The following MINAR1 variants were observed in gnomAD, a reference collection of about 807,000 sequenced individuals.
MINAR1 encodes the protein membrane integral NOTCH2 associated receptor 1.
Under a neutral mutation model 65.1 loss-of-function variants are expected in MINAR1, and 40 were observed. That is an observed-to-expected ratio of 0.61 (90% CI 0.48 to 0.80). The LOEUF (loss-of-function observed/expected upper bound fraction) is 0.80. MINAR1 is among the 30% of genes least tolerant of loss of function. MINAR1 has a pLI of 0.00. For synonymous variants in MINAR1, 482 were observed against 449.1 expected (o/e 1.07, Z -0.93); for missense variants, 1,128 against 1,148.0 (o/e 0.98, Z 0.25).
the MINAR1 span, chr15:79,411,488 G>C: frequency 1.4e-6 from 1 of 702,412 alleles, no homozygotes; most frequent in South Asian, 1.5e-5. Flanking sequence ...GGACTGGGAC[G>C]ACTGGCACCC....
intron 1 of MINAR1, among the ~76,000 whole-genome samples, chr15:79,434,208 C>A (rs149570309): frequency 1.8e-3 from 268 of 152,292 alleles, no homozygotes; most frequent in African/African-American, 5.7e-3. Flanking sequence ...AAGTGTATAG[C>A]ACTTAACATT....
chr15:79,451,219 C>T (rs1895187028), intron 1 of MINAR1, among the ~76,000 whole-genome samples: 2 of 152,182 alleles, frequency 1.3e-5, no homozygotes, highest in African/African-American at 4.8e-5. Flanking sequence ...ACCTGGACCC[C>T]TCCTAGGAAT....
chr15:79,423,202 AAAT>A, the MINAR1 span: 1 of 151,520 alleles, frequency 6.6e-6, no homozygotes, highest in Admixed American at 6.6e-5. Context: ...CTTAATTAAA[AAAT>A]AATAAGGCAG....
rs1896104520 is a variant in MINAR1, at chr15:79,472,022, G to A, written c.*3638G>A. ...CCTTATTTATGCCTTATGAATAAAA[G>A]AGTGTGGAATGTAAGGTGAAATTTT... On this transcript the variant is annotated 3_prime_UTR_variant, in exon 4 of 4. Coordinates refer to ENST00000305428, the MANE Select transcript of MINAR1 (RefSeq NM_015206.3). The A allele has an allele frequency of 6.6e-6, 1 of 152,152 alleles. No individual in the cohort carries two copies. The highest frequency in any genetic ancestry group is 1.5e-5 in the Non-Finnish European group (1 of 68,030). 9.4% of individuals were successfully genotyped at this position (152,152 alleles called of 1,614,324 possible).
Position 79,457,121 on chromosome 15 carries a change from G to A in MINAR1, c.974G>A (p.Arg325Gln), listed in dbSNP as rs190100500. The A allele has an allele frequency of 8.1e-6, 13 of 1,614,086 alleles. No individual in the cohort carries two copies. The highest frequency in any genetic ancestry group is 1.6e-4 in the Middle Eastern group (1 of 6,062). Residue 325 changes from arginine to glutamine, a missense_variant, in exon 2 of 4, where the codon CGA becomes CAA. Coordinates refer to ENST00000305428, the MANE Select transcript of MINAR1 (RefSeq NM_015206.3). Reference protein sequence around the residue: ...PVYSPVPDKRRAKHESLDDLQ... With the variant: ...PVYSPVPDKRQAKHESLDDLQ... ...TATTCCCCGGTTCCTGACAAAAGGC[G>A]AGCAAAGCACGAAAGCTTAGATGAC... is the stretch of plus-strand genomic sequence containing the variant.
intron 1 of MINAR1, among the ~76,000 whole-genome samples, chr15:79,452,743 G>T (rs111074592): frequency 0.022 from 1,794 of 80,934 alleles, 49 homozygotes; most frequent in African/African-American, 0.067. Context: ...TGGGTGTGTG[G>T]GGGGGGTGTG....
intron 1 of MINAR1, among the ~76,000 whole-genome samples, chr15:79,432,790 T>A (rs1037817784): frequency 5.9e-5 from 9 of 152,124 alleles, no homozygotes; most frequent in African/African-American, 2.2e-4. Context: ...GGGCCGCACC[T>A]GGTGGACAGA....
chr15:79,441,204 T>A, intron 1 of MINAR1, among the ~76,000 whole-genome samples: 1 of 152,068 alleles, frequency 6.6e-6, no homozygotes, highest in Non-Finnish European at 1.5e-5. Flanking sequence ...TTAGAACATT[T>A]AAATAAAACA....
chr15:79,415,865 C>A, the MINAR1 span: 1 of 152,176 alleles, frequency 6.6e-6, no homozygotes, highest in Non-Finnish European at 1.5e-5. Context: ...GTTTAACAAA[C>A]AAAATTCCCA....
chr15:79,434,745 T>C (rs1020780176), intron 1 of MINAR1, among the ~76,000 whole-genome samples: 8 of 152,196 alleles, frequency 5.3e-5, no homozygotes, highest in African/African-American at 1.9e-4. Flanking sequence ...GCAGACTTGG[T>C]GTAAATTTCA....
At chr15:79,412,597 A>T in the MINAR1 span, 1 of 152,498 alleles carries the variant, frequency 6.6e-6, no homozygotes, top group South Asian at 2.1e-4. Flanking sequence ...CGAAGTTGCC[A>T]TTGGGCGTGA....
intron 1 of MINAR1, among the ~76,000 whole-genome samples, chr15:79,434,626 A>G (rs1490442872): frequency 6.6e-6 from 1 of 152,226 alleles, no homozygotes; most frequent in African/African-American, 2.4e-5. Flanking sequence ...TGCATTCTCA[A>G]ACTAGCTAGG....
chr15:79,464,736 C>T (rs567259907), intron 3 of MINAR1, among the ~76,000 whole-genome samples: 102 of 152,318 alleles, frequency 6.7e-4, no homozygotes, highest in Middle Eastern at 3.4e-3. Context: ...GCATCAGTAG[C>T]AACCCTAAGC....
rs747244355 is a variant in MINAR1, at chr15:79,457,071, T to C, written c.924T>C (p.Tyr308=). 5.0e-6 allele frequency: 8 copies of C among 1,613,954 alleles called. No individual in the cohort carries two copies. Among genetic ancestry groups the C allele is most frequent in the Non-Finnish European group, 6.8e-6 (8 of 1,180,026 alleles). The part of the protein sequence containing the change: ...PFFNHSFEMP[Y]NSQYLNPVYS... The stretch of plus-strand genomic sequence containing the variant: ...TCAACCACAGCTTTGAAATGCCCTA[T>C]AACAGCCAGTACCTGAATCCAGTGT... Residue 308 remains tyrosine (Y), a synonymous_variant, in exon 2 of 4, where the codon TAT becomes TAC. Transcript: ENST00000305428.
chr15:79,443,785 C>G (rs1013376375), intron 1 of MINAR1, among the ~76,000 whole-genome samples: 1 of 152,098 alleles, frequency 6.6e-6, no homozygotes, highest in African/African-American at 2.4e-5. Flanking sequence ...TCCTTATGAA[C>G]CTATGTGCAT....
At chr15:79,452,193 GT>G (rs1895228460) in intron 1 of MINAR1, among the ~76,000 whole-genome samples, 1 of 145,586 alleles carries the variant, frequency 6.9e-6, no homozygotes, top group African/African-American at 2.5e-5. Context: ...GTGTGAGTGT[GT>G]GTAGGTGAAT....
In MINAR1 at chr15:79,468,270, TAAAG is replaced by T. The variant is rs1396108904; in HGVS notation, c.2640_2643del (p.Glu881ProfsTer11). ...CAGGATACGATTCATTACTAAAACG[TAAAG>T]AAGCCGAATTCAGACGAGCCAAGGT... On this transcript the variant is annotated frameshift_variant, in exon 4 of 4. Transcript: ENST00000305428. LOFTEE classifies it high-confidence loss of function. 3.7e-6 allele frequency: 6 copies of T among 1,613,940 alleles called. No homozygotes were observed. The highest frequency in any genetic ancestry group is 5.1e-6 in the Non-Finnish European group (6 of 1,180,004).
chr15:79,468,237 T>C lies in MINAR1; in HGVS notation c.2604T>C (p.Ile868=), dbSNP rs776142506. The C allele has an allele frequency of 1.9e-6, 3 of 1,614,124 alleles. No individual in the cohort carries two copies. In the South Asian group the frequency reaches 3.3e-5, roughly 18 times the overall value. ...PNNLEYWMED[I]YTPGYDSLLK... ...ATTTAGAGTACTGGATGGAAGACAT[T>C]TATACTCCAGGATACGATTCATTAC... The change falls in exon 4 of 4, where the codon ATT becomes ATC. Residue 868 remains isoleucine (I), a synonymous_variant. Transcript: ENST00000305428.
rs538844358 is a variant in MINAR1, at chr15:79,452,017, G to A, written c.-50-4081G>A. 1.8e-4 allele frequency among the ~76,000 whole-genome samples: 28 copies of A among 151,930 alleles called. 1 individual carries two copies. The highest frequency in any genetic ancestry group is 6.5e-4 in the African/African-American group (27 of 41,426). ...GAAAGAGTGTGGAGATTGTGAGTGAGCCTGTGTATGTGGTGTATACGTGTT... is the reference window on the plus strand; with the variant it reads ...GAAAGAGTGTGGAGATTGTGAGTGAACCTGTGTATGTGGTGTATACGTGTT... On this transcript the variant is annotated intron_variant, in intron 1 of 3. Transcript: ENST00000305428.
Sources: gnomAD v4.1 joint callset for allele counts (sites outside exome capture counted in the v4.1 genomes callset) on GRCh38, gnomAD v4.1.1 for gene constraint, MANE v1.5 for transcripts, NCBI Gene and HGNC (gene_info 2026-07-23, HGNC 2026-07-21) for gene names.